Variants in NAGK observed in about 807,000 individuals in gnomAD.
NAGK encodes the protein N-acetyl-D-glucosamine kinase.
NAGK carries 35 observed loss-of-function variants against 42.9 expected under a neutral mutation model. The ratio of observed to expected loss-of-function variants is 0.82; its 90% CI spans 0.62 to 1.08. The LOEUF is 1.08. Ranked by LOEUF, NAGK falls within the 50% of genes least tolerant of loss-of-function variation. NAGK has a pLI of 0.00. For missense variants in NAGK, 446 were observed against 446.0 expected (o/e 1.00, Z 0.00); for synonymous variants, 172 against 176.0 (o/e 0.98, Z 0.18).
Position 71,078,823 on chromosome 2 carries a change from TC to T in NAGK, c.*321del. The T allele has an allele frequency of 7.4e-6, 2 of 271,558 alleles. No homozygotes were observed. The highest frequency in any genetic ancestry group is 1.4e-5 in the Non-Finnish European group (2 of 142,020). The allele number at this position is 271,558 out of a possible 1,614,324, so 16.8% of individuals were successfully genotyped here. A position where few individuals can be genotyped will look rare whatever the true frequency, so the allele number is the denominator to read the frequency against. Reference sequence around the variant, plus strand: ...AGATGATTTGTCTGTGTGCTACCCTTCCCCCCATATTACCATACATATGCAC... The same window carrying T: ...AGATGATTTGTCTGTGTGCTACCCTTCCCCCATATTACCATACATATGCAC... On this transcript the variant is annotated 3_prime_UTR_variant, in exon 10 of 10. Coordinates refer to ENST00000244204, the MANE Select transcript of NAGK (RefSeq NM_017567.6).
intron 9 of NAGK, among the ~76,000 whole-genome samples, chr2:71,077,839 T>C (rs559382719): frequency 1.3e-5 from 2 of 152,380 alleles, no homozygotes; most frequent in South Asian, 4.1e-4. Flanking sequence ...CCTTGAACTC[T>C]TGAAAAGATG....
intron 5 of NAGK, chr2:71,073,279 T>A (rs2103704505): frequency 1.7e-6 from 1 of 591,628 alleles, no homozygotes; most frequent in South Asian, 2.0e-5. Context: ...CCTCCAACTT[T>A]CCCTTATCTT....
At chr2:71,075,506 G>C in intron 6 of NAGK, 49 bp from the exon 7 acceptor site, 1 of 1,473,032 alleles carries the variant, frequency 6.8e-7, no homozygotes, top group Admixed American at 1.7e-5. Flanking sequence ...GGCAGATTGG[G>C]GATTTTCCTT....
At chr2:71,072,836 C>T (rs1558726759) in intron 5 of NAGK, 85 bp downstream of exon 5, 3 of 1,291,292 alleles carry the variant, frequency 2.3e-6, no homozygotes, top group African/African-American at 2.9e-5. Context: ...CCTTGGCTCA[C>T]TGAGCCCTTG....
chr2:71,072,653 TCATATCTGGAACAG>T lies in NAGK; in HGVS notation c.369_382del (p.Ile124LeufsTer9). ...TCCCTTTCCCCAGGTGGAGTTGTGCTCATATCTGGAACAGGCTCCAACTGCAGGCTCATCAACCC... is the reference window on the plus strand; with the variant it reads ...TCCCTTTCCCCAGGTGGAGTTGTGCTGCTCCAACTGCAGGCTCATCAACCC... On this transcript the variant is annotated frameshift_variant, in exon 5 of 10. Transcript: ENST00000244204. LOFTEE classifies it high-confidence loss of function. 6.2e-7 allele frequency: 1 copy of T among 1,613,940 alleles called. No homozygotes were observed. Among genetic ancestry groups the T allele is most frequent in the Non-Finnish European group, 8.5e-7 (1 of 1,179,858 alleles).
chr2:71,070,839 G>C lies in NAGK; in HGVS notation c.213G>C (p.Leu71Phe), dbSNP rs941976776. The change falls in exon 3 of 10, where the codon TTG becomes TTC. Residue 71 changes from leucine (L) to phenylalanine (F), a missense_variant and splice_region_variant. Leu to Phe is a conservative substitution (Grantham distance 22). Transcript: ENST00000244204. ...GVDPLVPLRS[L>F]GLSLSGGDQE... ...ATCCTCTGGTACCGCTGCGAAGCTT[G>C]GTGAGTCTGGGGCGGAGCCTGGGAA... 1 of 1,614,060 alleles carries C rather than the reference G, an allele frequency of 6.2e-7. No individual in the cohort carries two copies. The highest frequency in any genetic ancestry group is 8.5e-7 in the Non-Finnish European group (1 of 1,180,026).
intron 6 of NAGK, 141 bp from the exon 7 acceptor site, chr2:71,075,414 C>G: frequency 1.6e-6 from 1 of 619,902 alleles, no homozygotes; most frequent in African/African-American, 1.8e-5. Flanking sequence ...AATGAGAAAT[C>G]TCAAATCCCT....
intron 1 of NAGK, chr2:71,069,604 A>G (rs1171448606): frequency 1.3e-5 from 2 of 153,240 alleles, no homozygotes; most frequent in Non-Finnish European, 2.9e-5. Flanking sequence ...AAAAAACAGT[A>G]TAGGAGTCTG....
intron 6 of NAGK, chr2:71,074,924 T>C (rs1047804082): frequency 2.0e-5 from 3 of 151,254 alleles, no homozygotes; most frequent in African/African-American, 4.9e-5. Context: ...TCAAAAAAAA[T>C]AAAAAAAATA....
intron 4 of NAGK, 138 bp downstream of exon 4, chr2:71,071,965 A>G: frequency 1.6e-6 from 2 of 1,218,976 alleles, no homozygotes; most frequent in East Asian, 5.1e-5. Flanking sequence ...TAAGTAGTTT[A>G]AGTCTCTGCC....
chr2:71,072,392 C>G (rs1035049065), intron 4 of NAGK: 4 of 476,434 alleles, frequency 8.4e-6, no homozygotes, highest in African/African-American at 3.9e-5. Context: ...GAGCCACATT[C>G]CCTCTAAGAG....
At chr2:71,073,048 G>A (rs1672080648) in intron 5 of NAGK, 2 of 475,966 alleles carry the variant, frequency 4.2e-6, no homozygotes, top group African/African-American at 3.9e-5. Context: ...CTGAGGGTAA[G>A]GCCATAGATG....
chr2:71,072,840 G>T, intron 5 of NAGK, 89 bp downstream of exon 5: 1 of 1,206,868 alleles, frequency 8.3e-7, no homozygotes, highest in Non-Finnish European at 1.2e-6. Flanking sequence ...GGCTCACTGA[G>T]CCCTTGGGGC....
chr2:71,073,590 T>C lies in NAGK; in HGVS notation c.575T>C (p.Phe192Ser), dbSNP rs763238618. ...GYVKQAMFHYFQVPDRLGILT... is the reference protein window; with the variant it reads ...GYVKQAMFHYSQVPDRLGILT... ...GTCAAACAGGCCATGTTCCACTATT[T>C]CCAGGTACTCCTCCTGCTCCCAGTA... The change falls in exon 6 of 10, where the codon TTC (phenylalanine) becomes TCC (serine). Residue 192 changes from phenylalanine to serine, a missense_variant. By Grantham distance (155) the Phe-to-Ser change is radical. Coordinates refer to ENST00000244204, the MANE Select transcript of NAGK (RefSeq NM_017567.6). The C allele has an allele frequency of 6.2e-7, 1 of 1,609,508 alleles. No homozygotes were observed. The highest frequency in any genetic ancestry group is 8.5e-7 in the Non-Finnish European group (1 of 1,175,792).
intron 6 of NAGK, 155 bp from the exon 7 acceptor site, chr2:71,075,400 C>T (rs1057153726): frequency 1.7e-6 from 1 of 600,868 alleles, no homozygotes; most frequent in Non-Finnish European, 3.0e-6. Flanking sequence ...GATAACTTTT[C>T]TCAAATGAGA....
intron 1 of NAGK, 69 bp from the exon 2 acceptor site, chr2:71,070,433 G>A: frequency 7.2e-7 from 1 of 1,382,532 alleles, no homozygotes; most frequent in Non-Finnish European, 1.0e-6. Context: ...TGCCAGTGTG[G>A]ACAGCACAAG....
chr2:71,075,368 G>A (rs1558728951), intron 6 of NAGK, 187 bp from the exon 7 acceptor site: 1 of 561,696 alleles, frequency 1.8e-6, no homozygotes, highest in Middle Eastern at 2.7e-4. Flanking sequence ...AAGAAATAAT[G>A]AAGTCCATGT....
rs768624990 is a variant in NAGK, at chr2:71,071,812, A to G, written c.340A>G (p.Thr114Ala). 6.2e-6 allele frequency: 10 copies of G among 1,614,134 alleles called. No homozygotes were observed. In the South Asian group the frequency reaches 8.8e-5, roughly 14 times the overall value. Reference protein sequence around the residue: ...ITTDAAGSIATATPDGGVVLI... With the variant: ...ITTDAAGSIAAATPDGGVVLI... ...CACCGATGCCGCCGGCTCCATCGCC[A>G]CAGCTACACCGGATGGTGAGGAAGT... is the stretch of plus-strand genomic sequence containing the variant. Residue 114 changes from threonine to alanine, a missense_variant, in exon 4 of 10, where the codon ACA (threonine) becomes GCA (alanine). Coordinates refer to ENST00000244204, the MANE Select transcript of NAGK (RefSeq NM_017567.6).
rs749245785 is a variant in NAGK at position 71,073,460 on chromosome 2, T to C, written c.467-22T>C. The C allele has an allele frequency of 1.7e-5, 27 of 1,558,988 alleles. No homozygotes were observed. In the East Asian group the frequency reaches 5.6e-4, roughly 32 times the overall value. On this transcript the variant is annotated intron_variant, in intron 5 of 9. Coordinates refer to ENST00000244204, the MANE Select transcript of NAGK (RefSeq NM_017567.6). ...CTCAGGATGACTGCTCCCATCTTCTTAGCCCTCTCTGCTCCCTGCAGCCTA... is the reference window on the plus strand; with the variant it reads ...CTCAGGATGACTGCTCCCATCTTCTCAGCCCTCTCTGCTCCCTGCAGCCTA...
Sources: allele counts gnomAD v4.1 joint callset (sites outside exome capture counted in the v4.1 genomes callset), GRCh38; gene constraint gnomAD v4.1.1; transcripts MANE v1.5; gene names NCBI Gene and HGNC (gene_info 2026-07-23, HGNC 2026-07-21).